The following TGFBR3 variants were observed in gnomAD, a reference collection of about 807,000 sequenced individuals.
The protein encoded by TGFBR3 is transforming growth factor beta receptor 3, also known as transforming growth factor beta receptor type 3.
In TGFBR3, 46 loss-of-function variants were observed where a neutral mutation model predicts 87.9. That is an observed-to-expected ratio of 0.52 (90% CI 0.41 to 0.67). The LOEUF is 0.67. Ranked by LOEUF, TGFBR3 falls within the 30% of genes least tolerant of loss-of-function variation. The pLI is 0.00. For missense variants in TGFBR3, 866 were observed against 1,041.9 expected, an observed-to-expected ratio of 0.83 and a Z score of 2.32; for synonymous variants, 381 against 391.6, an observed-to-expected ratio of 0.97 and a Z score of 0.32.
Position 91,823,697 on chromosome 1 carries a change from C to A in TGFBR3, c.62-26226G>T, listed in dbSNP as rs191501232. ...AAAGCAGATTAGTAATTGCCTGGGACTGGGGATATGGACTACAGGGAGGCT... is the reference window on the plus strand; with the variant it reads ...AAAGCAGATTAGTAATTGCCTGGGAATGGGGATATGGACTACAGGGAGGCT... On this transcript the variant is annotated intron_variant, in intron 2 of 16. Coordinates refer to ENST00000212355, the MANE Select transcript of TGFBR3 (RefSeq NM_003243.5). 2.7e-3 allele frequency among the ~76,000 whole-genome samples: 406 copies of A among 152,268 alleles called. 3 individuals carry two copies. The highest frequency in any genetic ancestry group is 9.5e-3 in the African/African-American group (396 of 41,548).
rs371463462 is a variant in TGFBR3, at chr1:91,758,588, G to C, written c.384+25C>G. 6.8e-6 allele frequency: 11 copies of C among 1,613,610 alleles called. No individual in the cohort carries two copies. The African/African-American group carries it at 1.3e-4, about 20-fold the overall frequency. ...CATTATGTCCTTGTGCTAAGGATCA[G>C]TTTGGGGGAGGTTTAAGCACTTACC... On this transcript the variant is annotated intron_variant, in intron 4 of 16. Coordinates refer to ENST00000212355, the MANE Select transcript of TGFBR3 (RefSeq NM_003243.5).
At chr1:91,707,195 C>G (rs1265909193) in intron 14 of TGFBR3, among the ~76,000 whole-genome samples, 1 of 152,208 alleles carries the variant, frequency 6.6e-6, no homozygotes, top group Admixed American at 6.5e-5. Flanking sequence ...TAGGGGGGTT[C>G]TCCAATGTCC....
chr1:91,818,743 C>T (rs1571541778), intron 2 of TGFBR3, among the ~76,000 whole-genome samples: 1 of 152,146 alleles, frequency 6.6e-6, no homozygotes, highest in South Asian at 2.1e-4. Flanking sequence ...TTCTGTTATA[C>T]ACATCCTGCA....
intron 14 of TGFBR3, among the ~76,000 whole-genome samples, chr1:91,700,796 A>C (rs1302553448): frequency 6.6e-6 from 1 of 152,180 alleles, no homozygotes; most frequent in East Asian, 1.9e-4. Context: ...TGCAATAGAC[A>C]AAAAGCCTTC....
At chr1:91,741,502 T>C (rs1673157683) in intron 4 of TGFBR3, among the ~76,000 whole-genome samples, 1 of 152,008 alleles carries the variant, frequency 6.6e-6, no homozygotes, top group Non-Finnish European at 1.5e-5. Flanking sequence ...GATAAAACCA[T>C]TGGTCATGTA....
At chr1:91,813,895 C>T (rs188654148) in intron 2 of TGFBR3, among the ~76,000 whole-genome samples, 1 of 152,198 alleles carries the variant, frequency 6.6e-6, no homozygotes, top group Non-Finnish European at 1.5e-5. Flanking sequence ...TCATAAGGAG[C>T]AGGCAACCTA....
At chr1:91,846,073 G>T (rs1000688861) in intron 2 of TGFBR3, among the ~76,000 whole-genome samples, 1 of 152,132 alleles carries the variant, frequency 6.6e-6, no homozygotes, top group Non-Finnish European at 1.5e-5. Context: ...GCTCCCTCAC[G>T]GAGAGCCTAG....
At chr1:91,849,906 C>G (rs1220772114) in intron 2 of TGFBR3, among the ~76,000 whole-genome samples, 1 of 151,844 alleles carries the variant, frequency 6.6e-6, no homozygotes, top group African/African-American at 2.4e-5. Flanking sequence ...CACGGTGAAA[C>G]CCCGTCTCTG....
chr1:91,760,842 T>C (rs284179), intron 3 of TGFBR3, among the ~76,000 whole-genome samples: 3,094 of 152,182 alleles, frequency 0.02, 104 homozygotes, highest in African/African-American at 0.069. Flanking sequence ...AGAGATGCTA[T>C]AGAAATAGCA....
intron 3 of TGFBR3, among the ~76,000 whole-genome samples, chr1:91,765,902 G>A (rs1674163961): frequency 6.6e-6 from 1 of 152,040 alleles, no homozygotes; most frequent in African/African-American, 2.4e-5. Flanking sequence ...GGGAAAGTTT[G>A]CTTTTTATAT....
chr1:91,764,843 T>C (rs772061545), intron 3 of TGFBR3, among the ~76,000 whole-genome samples: 5 of 152,110 alleles, frequency 3.3e-5, no homozygotes, highest in Non-Finnish European at 7.4e-5. Flanking sequence ...CAATGCCATC[T>C]CCAGTAAAAT....
At chr1:91,782,264 C>A (rs2029357) in intron 3 of TGFBR3, among the ~76,000 whole-genome samples, 5 of 152,162 alleles carry the variant, frequency 3.3e-5, no homozygotes, top group African/African-American at 1.2e-4. Context: ...GGAGGGTGAT[C>A]GGCCCCCAGA....
chr1:91,843,629 A>G (rs577132443), intron 2 of TGFBR3, among the ~76,000 whole-genome samples: 4 of 152,332 alleles, frequency 2.6e-5, no homozygotes, highest in African/African-American at 4.8e-5. Context: ...TATCTCATTT[A>G]TAATCCTCAC....
Position 91,682,350 on chromosome 1 carries a change from T to C in TGFBR3, c.*1389A>G, listed in dbSNP as rs1443365560. 4.4e-6 allele frequency: 2 copies of C among 453,444 alleles called. No individual in the cohort carries two copies. The highest frequency in any genetic ancestry group is 3.1e-5 in the South Asian group (2 of 64,446). The allele number at this position is 453,444 out of a possible 1,614,324, so 28.1% of individuals were successfully genotyped here. Reference sequence around the variant, plus strand: ...ATTCTGGAAAAAGAATAATTTGCAATGAAGCTATCTTCAGCAGTAAAATAA... The same window carrying C: ...ATTCTGGAAAAAGAATAATTTGCAACGAAGCTATCTTCAGCAGTAAAATAA... On this transcript the variant is annotated 3_prime_UTR_variant, in exon 17 of 17. Coordinates refer to ENST00000212355, the MANE Select transcript of TGFBR3 (RefSeq NM_003243.5).
At chr1:91,798,379 C>A (rs762465719) in intron 2 of TGFBR3, among the ~76,000 whole-genome samples, 1 of 152,204 alleles carries the variant, frequency 6.6e-6, no homozygotes, top group Non-Finnish European at 1.5e-5. Context: ...CACCACAGAG[C>A]ACAGGAGGCC....
At chr1:91,707,658 G>A (rs569361564) in intron 14 of TGFBR3, among the ~76,000 whole-genome samples, 4 of 152,284 alleles carry the variant, frequency 2.6e-5, no homozygotes, top group Non-Finnish European at 5.9e-5. Flanking sequence ...TCAGAGTGGC[G>A]AGAGGCAGCC....
chr1:91,824,222 G>A (rs1676553017), intron 2 of TGFBR3, among the ~76,000 whole-genome samples: 1 of 152,180 alleles, frequency 6.6e-6, no homozygotes, highest in African/African-American at 2.4e-5. Context: ...AAAAGAGTAT[G>A]TAGTACAGAA....
chr1:91,844,843 A>G (rs1203887943), intron 2 of TGFBR3, among the ~76,000 whole-genome samples: 1 of 152,244 alleles, frequency 6.6e-6, no homozygotes, highest in African/African-American at 2.4e-5. Flanking sequence ...TTTTGTCAGT[A>G]CAAAGGCTTT....
intron 3 of TGFBR3, among the ~76,000 whole-genome samples, chr1:91,772,026 T>C (rs1440887448): frequency 6.6e-6 from 1 of 151,968 alleles, no homozygotes; most frequent in Non-Finnish European, 1.5e-5. Context: ...GTGTGAAGAA[T>C]ACTTAATTCA....
Sources: allele counts gnomAD v4.1 joint callset (sites outside exome capture counted in the v4.1 genomes callset), GRCh38; gene constraint gnomAD v4.1.1; transcripts MANE v1.5; gene names NCBI Gene and HGNC (gene_info 2026-07-23, HGNC 2026-07-21).